Variants in RPL4 observed in about 807,000 individuals in gnomAD.
RPL4 encodes large ribosomal subunit protein uL4.
In RPL4, 3 loss-of-function variants were observed where a neutral mutation model predicts 47.7. The observed-to-expected ratio is 0.06, with a 90% confidence interval of 0.03 to 0.16. RPL4 has a LOEUF of 0.16. Among genes scored for constraint, RPL4 ranks in the 10% least tolerant of loss-of-function variants. The probability of loss-of-function intolerance (pLI) is 1.00; values close to 1 mark genes in which losing one functional copy is unlikely to be tolerated. For missense variants in RPL4, 413 were observed against 551.3 expected (o/e 0.75, Z 2.51); for synonymous variants, 208 against 182.1 (o/e 1.14, Z -1.15).
chr15:66,501,056 A>G lies in RPL4; in HGVS notation c.726T>C (p.Pro242=). 6.2e-7 allele frequency: 1 copy of G among 1,614,076 alleles called. No individual in the cohort carries two copies. Among genetic ancestry groups the G allele is most frequent in the Non-Finnish European group, 8.5e-7 (1 of 1,180,006 alleles). Residue 242 remains proline, a synonymous_variant, in exon 7 of 10, where the codon CCT becomes CCC. Coordinates refer to ENST00000307961, the MANE Select transcript of RPL4 (RefSeq NM_000968.4). ...TGCAGAAACGTCCCACATGCCCACC[A>G]GGAGCAAGCTTCAAAATGTTCAGCT... The part of the protein sequence containing the change: ...VSKLNILKLA[P]GGHVGRFCIW...
Position 66,499,537 on chromosome 15 carries a change from G to A in RPL4, c.1154C>T (p.Ala385Val), listed in dbSNP as rs1893559723. ...CTTCTGCTTCTTAACACCAACAGCA[G>A]CCTTCTTTCCTTTCTTACCTACCAC... Reference protein sequence around the residue: ...KPVVGKKGKKAAVGVKKQKKP... With the variant: ...KPVVGKKGKKVAVGVKKQKKP... Residue 385 changes from alanine (A) to valine (V), a missense_variant, in exon 10 of 10, where the codon GCT (alanine) becomes GTT (valine). Coordinates refer to ENST00000307961, the MANE Select transcript of RPL4 (RefSeq NM_000968.4). The A allele has an allele frequency of 6.2e-7, 1 of 1,613,164 alleles. No homozygotes were observed. Among genetic ancestry groups the A allele is most frequent in the Non-Finnish European group, 8.5e-7 (1 of 1,179,848 alleles).
At chr15:66,504,421 GAAC>G (rs1893706517) in intron 1 of RPL4, among the ~76,000 whole-genome samples, 1 of 152,152 alleles carries the variant, frequency 6.6e-6, no homozygotes, top group Non-Finnish European at 1.5e-5. Context: ...TGATAACACC[GAAC>G]AATTTTTAGG....
At position 66,503,392 on chromosome 15, in the gene RPL4, G is replaced by A. The variant is rs750501461; in HGVS notation, c.141C>T (p.Asn47=). 1 of 1,609,760 alleles carries A rather than the reference G, an allele frequency of 6.2e-7. No homozygotes were observed. Among genetic ancestry groups the A allele is most frequent in the Non-Finnish European group, 8.5e-7 (1 of 1,176,254 alleles). The part of the protein sequence containing the change: ...VNFVHTNLRK[N]NRQPYAVSEL... ...CACTGACAGCATAGGGCTGTCTGTT[G>A]TTTTTGCGCAAGTTGGTGTGAACAA... is the stretch of plus-strand genomic sequence containing the variant. The change falls in exon 2 of 10, where the codon AAC becomes AAT. Residue 47 remains asparagine, a synonymous_variant. Coordinates refer to ENST00000307961, the MANE Select transcript of RPL4 (RefSeq NM_000968.4).
chr15:66,500,207 T>C (rs1342887944), intron 8 of RPL4, 31 bp from the exon 9 acceptor site: 3 of 1,613,768 alleles, frequency 1.9e-6, no homozygotes, highest in South Asian at 1.1e-5. Flanking sequence ...TATCAACATT[T>C]TACTTAACAT....
chr15:66,501,740 A>G (rs761605740), intron 5 of RPL4, 48 bp downstream of exon 5: 1 of 1,596,232 alleles, frequency 6.3e-7, no homozygotes, highest in South Asian at 1.1e-5. Context: ...CAAAGTGACA[A>G]ACTGTGAACA....
Position 66,504,774 on chromosome 15 carries a change from G to A in RPL4, c.3+14C>T, listed in dbSNP as rs999553321. The A allele has an allele frequency of 1.9e-6, 3 of 1,612,076 alleles. No individual in the cohort carries two copies. The highest frequency in any genetic ancestry group is 1.3e-5 in the African/African-American group (1 of 74,948). On this transcript the variant is annotated intron_variant, in intron 1 of 9. Transcript: ENST00000307961. ...AGATACGGGGTAAGGCCAGCCAAGA[G>A]AACTTCCACTCACCATGGCGGAGAG...
In RPL4 at chr15:66,504,851, T is replaced by C; in HGVS notation, c.-61A>G. 2 of 1,600,582 alleles carry C rather than the reference T, an allele frequency of 1.2e-6. No homozygotes were observed. Among genetic ancestry groups the C allele is most frequent in the Non-Finnish European group, 1.7e-6 (2 of 1,173,634 alleles). On this transcript the variant is annotated 5_prime_UTR_variant, in exon 1 of 10. Transcript: ENST00000307961. ...CGGCTGCTGCCACAGGAAAAGGAAGTGCTTACCACTCCCGCTGTATATGTC... is the reference window on the plus strand; with the variant it reads ...CGGCTGCTGCCACAGGAAAAGGAAGCGCTTACCACTCCCGCTGTATATGTC...
chr15:66,501,810 T>G lies in RPL4; in HGVS notation c.524A>C (p.Lys175Thr). Reference sequence around the variant, plus strand: ...GACCTTTTTGATATCATTCCAGGCTTTAAGTTTCTTAAGGAGCAAAACAGC... The same window carrying G: ...GACCTTTTTGATATCATTCCAGGCTGTAAGTTTCTTAAGGAGCAAAACAGC... ...KEAVLLLKKL[K>T]AWNDIKKVYA... is the part of the protein sequence containing the mutation. The change falls in exon 5 of 10, where the codon AAA becomes ACA. Residue 175 changes from lysine to threonine, a missense_variant. Coordinates refer to ENST00000307961, the MANE Select transcript of RPL4 (RefSeq NM_000968.4). The G allele has an allele frequency of 1.2e-6, 2 of 1,611,572 alleles. No homozygotes were observed. Among genetic ancestry groups the G allele is most frequent in the Non-Finnish European group, 1.7e-6 (2 of 1,179,802 alleles).
At position 66,500,946 on chromosome 15, in the gene RPL4, T is replaced by C; in HGVS notation, c.833+3A>G. ...CTGTGCTTAGTATATGAAAGATACT[T>C]ACTTGTAGTTACTCTTGAGGGAAGC... On this transcript the variant is annotated splice_donor_region_variant and intron_variant, in intron 7 of 9. Transcript: ENST00000307961. 1 of 1,613,544 alleles carries C rather than the reference T, an allele frequency of 6.2e-7. No individual in the cohort carries two copies. Among genetic ancestry groups the C allele is most frequent in the Non-Finnish European group, 8.5e-7 (1 of 1,179,760 alleles).
chr15:66,499,296 C>T lies in RPL4; in HGVS notation c.*111G>A, dbSNP rs746721566. The T allele has an allele frequency of 3.6e-5, 49 of 1,375,102 alleles. No individual in the cohort carries two copies. Among genetic ancestry groups the T allele is most frequent in the Non-Finnish European group, 4.5e-5 (46 of 1,014,830 alleles). The allele number at this position is 1,375,102 out of a possible 1,614,324, so 85.2% of individuals were successfully genotyped here. A position where few individuals can be genotyped will look rare whatever the true frequency, so the allele number is the denominator to read the frequency against. On this transcript the variant is annotated 3_prime_UTR_variant, in exon 10 of 10. Transcript: ENST00000307961. ...TCACTTTAAAAAAATTCTAACCAAG[C>T]TTTACAGAGCACACCAAGTCATGTT...
At chr15:66,500,216 A>G in intron 8 of RPL4, 40 bp from the exon 9 acceptor site, 2 of 1,613,656 alleles carry the variant, frequency 1.2e-6, no homozygotes, top group Non-Finnish European at 1.7e-6. Context: ...TTTACTTAAC[A>G]TTATACACAT....
intron 4 of RPL4, chr15:66,502,348 A>G: frequency 2.2e-6 from 1 of 445,628 alleles, no homozygotes; most frequent in African/African-American, 2.0e-5. Context: ...CACTGATACG[A>G]AATATTTTTG....
In RPL4 at chr15:66,499,089, A is replaced by G. The variant is rs553279184; in HGVS notation, c.*318T>C. 1.3e-4 allele frequency: 30 copies of G among 238,296 alleles called. No homozygotes were observed. The highest frequency in any genetic ancestry group is 6.6e-4 in the African/African-American group (29 of 43,642). 14.8% of individuals were successfully genotyped at this position (238,296 alleles called of 1,614,324 possible). A position where few individuals can be genotyped will look rare whatever the true frequency, so the allele number is the denominator to read the frequency against. The stretch of plus-strand genomic sequence containing the variant: ...ATCTGGTGGGGAGCTAAACTTGAAC[A>G]GCCTCTGCGTTTCTGACCAAGTCCT... On this transcript the variant is annotated 3_prime_UTR_variant, in exon 10 of 10. Transcript: ENST00000307961.
chr15:66,504,777 C>G lies in RPL4; in HGVS notation c.3+11G>C. ...TACGGGGTAAGGCCAGCCAAGAGAA[C>G]TTCCACTCACCATGGCGGAGAGAGG... On this transcript the variant is annotated intron_variant, in intron 1 of 9. Transcript: ENST00000307961. 1 of 1,612,272 alleles carries G rather than the reference C, an allele frequency of 6.2e-7. No individual in the cohort carries two copies. The highest frequency in any genetic ancestry group is 8.5e-7 in the Non-Finnish European group (1 of 1,179,416).
intron 7 of RPL4, 114 bp downstream of exon 7, chr15:66,500,835 A>G: frequency 3.1e-6 from 4 of 1,281,930 alleles, no homozygotes; most frequent in Non-Finnish European, 4.3e-6. Flanking sequence ...ATTTTGGCAT[A>G]CTGTTGCTGC....
At chr15:66,500,851 A>G in intron 7 of RPL4, 98 bp downstream of exon 7, 1 of 1,424,312 alleles carries the variant, frequency 7.0e-7, no homozygotes, top group Non-Finnish European at 9.6e-7. Context: ...GCTGCACATA[A>G]GGGGAAATGG....
chr15:66,503,031 A>G (rs1375953074), intron 3 of RPL4, 27 bp downstream of exon 3: 5 of 1,579,008 alleles, frequency 3.2e-6, no homozygotes, highest in Admixed American at 3.4e-5. Context: ...AGAGATGACC[A>G]GTCTTAGGTA....
rs766526860 is a variant in RPL4 at position 66,501,892 on chromosome 15, G to C, written c.442C>G (p.Pro148Ala). The stretch of plus-strand genomic sequence containing the variant: ...TCTTCAACTACCAAAGGAAGTTCAG[G>C]AACTTCCTCAATACGATGACCTAAC... ...MSKGHRIEEV[P>A]ELPLVVEDKV... Residue 148 changes from proline to alanine, a missense_variant, in exon 5 of 10, where the codon CCT becomes GCT. Coordinates refer to ENST00000307961, the MANE Select transcript of RPL4 (RefSeq NM_000968.4). 6 of 1,611,420 alleles carry C rather than the reference G, an allele frequency of 3.7e-6. No homozygotes were observed. Among genetic ancestry groups the C allele is most frequent in the Non-Finnish European group, 4.2e-6 (5 of 1,179,692 alleles).
chr15:66,501,620 A>G (rs923920488), intron 5 of RPL4, 116 bp from the exon 6 acceptor site: 18 of 1,518,380 alleles, frequency 1.2e-5, no homozygotes, highest in Non-Finnish European at 1.6e-5. Flanking sequence ...TGCCAAGGTT[A>G]CACAGAGCCA....
Sources: allele counts gnomAD v4.1 joint callset (sites outside exome capture counted in the v4.1 genomes callset), GRCh38; gene constraint gnomAD v4.1.1; transcripts MANE v1.5; gene names NCBI Gene and HGNC (gene_info 2026-07-23, HGNC 2026-07-21).